The following TNFRSF13B variants were observed in gnomAD, a reference collection of about 807,000 sequenced individuals.
TNFRSF13B encodes the protein TNF receptor superfamily member 13B.
TNFRSF13B carries 34 observed loss-of-function variants against 24.0 expected under a neutral mutation model. That is an observed-to-expected ratio of 1.41 (90% CI 1.08 to 1.88). The LOEUF (loss-of-function observed/expected upper bound fraction) is 1.88. TNFRSF13B is among the 40% of genes most tolerant of loss of function. TNFRSF13B has a pLI of 0.00. For missense variants in TNFRSF13B, 415 were observed against 380.8 expected (o/e 1.09, Z -0.75); for synonymous variants, 173 against 150.3 (o/e 1.15, Z -1.10).
At chr17:16,952,425 G>T in intron 2 of TNFRSF13B, 21 bp downstream of exon 2, 17 of 1,613,878 alleles carry the variant, frequency 1.1e-5, no homozygotes, top group Non-Finnish European at 1.2e-5. Flanking sequence ...CTGTCCCCTC[G>T]GCTCAGGCCC....
At chr17:16,955,933 C>T (rs2087621710) in intron 1 of TNFRSF13B, among the ~76,000 whole-genome samples, 1 of 152,212 alleles carries the variant, frequency 6.6e-6, no homozygotes, top group African/African-American at 2.4e-5. Flanking sequence ...GGACCCTTGT[C>T]CGCCAAATAT....
chr17:16,950,305 A>G (rs1395005741), intron 2 of TNFRSF13B, among the ~76,000 whole-genome samples: 1 of 152,184 alleles, frequency 6.6e-6, no homozygotes, highest in Non-Finnish European at 1.5e-5. Context: ...ACATAGGGAA[A>G]ATAACAGTAC....
chr17:16,961,410 T>G (rs1435903784), intron 1 of TNFRSF13B, among the ~76,000 whole-genome samples: 2 of 152,214 alleles, frequency 1.3e-5, no homozygotes, highest in Non-Finnish European at 2.9e-5. Context: ...ATGATGTTAT[T>G]AAAATGAATG....
At chr17:16,966,574 C>T (rs528191410) in intron 1 of TNFRSF13B, among the ~76,000 whole-genome samples, 1 of 152,182 alleles carries the variant, frequency 6.6e-6, no homozygotes, top group South Asian at 2.1e-4. Context: ...TTAGTAAAAC[C>T]TTCTATTGGC....
At chr17:16,962,192 G>A (rs1434604142) in intron 1 of TNFRSF13B, among the ~76,000 whole-genome samples, 1 of 152,172 alleles carries the variant, frequency 6.6e-6, no homozygotes, top group Non-Finnish European at 1.5e-5. Context: ...CAACTCCAGG[G>A]AAACAAAAGA....
At chr17:16,967,751 CA>C (rs975103327) in intron 1 of TNFRSF13B, among the ~76,000 whole-genome samples, 555 of 24,456 alleles carry the variant, frequency 0.023, no homozygotes, top group African/African-American at 0.057. Flanking sequence ...GACTCCGTCT[CA>C]AAAAAAAAAA....
intron 3 of TNFRSF13B, among the ~76,000 whole-genome samples, chr17:16,945,552 G>A (rs375393607): frequency 5.3e-4 from 80 of 152,328 alleles, no homozygotes; most frequent in African/African-American, 1.9e-3. Context: ...TGACCCACGG[G>A]GGAATCTGTT....
At chr17:16,968,951 T>G (rs1329281194) in intron 1 of TNFRSF13B, among the ~76,000 whole-genome samples, 2 of 152,212 alleles carry the variant, frequency 1.3e-5, no homozygotes, top group African/African-American at 2.4e-5. Flanking sequence ...GAAAAGATGC[T>G]TAACATCATT....
At chr17:16,963,095 G>A (rs891062876) in intron 1 of TNFRSF13B, among the ~76,000 whole-genome samples, 2 of 152,204 alleles carry the variant, frequency 1.3e-5, no homozygotes, top group African/African-American at 2.4e-5. Context: ...CCTTGGGCAC[G>A]ACTTCTGCTC....
intron 1 of TNFRSF13B, among the ~76,000 whole-genome samples, chr17:16,955,411 C>T (rs1003602240): frequency 3.9e-5 from 6 of 152,068 alleles, no homozygotes; most frequent in Non-Finnish European, 7.4e-5. Context: ...AAAGGACGTT[C>T]GTAGAACAAA....
intron 3 of TNFRSF13B, among the ~76,000 whole-genome samples, chr17:16,944,116 G>T (rs3892371): frequency 0.035 from 5,340 of 152,258 alleles, 242 homozygotes; most frequent in East Asian, 0.21. Context: ...CAGATCTGGG[G>T]TGGGGTCCCT....
At chr17:16,965,227 T>G (rs2087691368) in intron 1 of TNFRSF13B, among the ~76,000 whole-genome samples, 1 of 152,058 alleles carries the variant, frequency 6.6e-6, no homozygotes, top group Non-Finnish European at 1.5e-5. Flanking sequence ...TCCCCTCAGC[T>G]TCCCAATTAG....
intron 3 of TNFRSF13B, chr17:16,940,867 A>ACT: frequency 5.1e-6 from 6 of 1,172,918 alleles, no homozygotes; most frequent in Non-Finnish European, 6.4e-6. Context: ...TGCATCCTGA[A>ACT]CTGGGCCCTT....
intron 4 of TNFRSF13B, 52 bp downstream of exon 4, chr17:16,940,274 G>A: frequency 1.2e-6 from 2 of 1,611,760 alleles, no homozygotes; most frequent in Non-Finnish European, 1.7e-6. Flanking sequence ...ATGGCCCGAG[G>A]CTTGTCACCC....
intron 3 of TNFRSF13B, among the ~76,000 whole-genome samples, chr17:16,942,014 G>A (rs558969792): frequency 1.3e-5 from 2 of 152,106 alleles, no homozygotes; most frequent in African/African-American, 4.8e-5. Context: ...TGGGCATTTG[G>A]GTTGCTTCCA....
chr17:16,957,094 C>T (rs968116809), intron 1 of TNFRSF13B, among the ~76,000 whole-genome samples: 2 of 150,656 alleles, frequency 1.3e-5, no homozygotes, highest in African/African-American at 2.4e-5. Context: ...GGAGGCTGTG[C>T]GGGGGGATGT....
chr17:16,956,955 T>A (rs1445927575), intron 1 of TNFRSF13B, among the ~76,000 whole-genome samples: 1 of 152,184 alleles, frequency 6.6e-6, no homozygotes, highest in Non-Finnish European at 1.5e-5. Flanking sequence ...CATACATTTG[T>A]TCAAAGCCAT....
At chr17:16,970,566 T>G (rs1331906694) in intron 1 of TNFRSF13B, among the ~76,000 whole-genome samples, 2 of 152,254 alleles carry the variant, frequency 1.3e-5, no homozygotes, top group Non-Finnish European at 2.9e-5. Context: ...TCTGGTAGTT[T>G]CATCAAAGCA....
At position 16,940,396 on chromosome 17, in the gene TNFRSF13B, C is replaced by G. The variant is rs373469090; in HGVS notation, c.561G>C (p.Lys187Asn). The change falls in exon 4 of 5, where the codon AAG becomes AAC. Residue 187 changes from lysine (K) to asparagine (N), a missense_variant. Transcript: ENST00000261652. ...GGCAGGAGCAGGGATCCCCCCTCTT[C>G]TTGAGGAAGCAGGCCACCGCCACCA... ...CFLVAVACFLKKRGDPCSCQP... is the reference protein window; with the variant it reads ...CFLVAVACFLNKRGDPCSCQP... 3 of 1,613,992 alleles carry G rather than the reference C, an allele frequency of 1.9e-6. No homozygotes were observed. Among genetic ancestry groups the G allele is most frequent in the Admixed American group, 3.3e-5 (2 of 60,020 alleles).
Sources: gnomAD v4.1 joint callset for allele counts (sites outside exome capture counted in the v4.1 genomes callset) on GRCh38, gnomAD v4.1.1 for gene constraint, MANE v1.5 for transcripts, NCBI Gene and HGNC (gene_info 2026-07-23, HGNC 2026-07-21) for gene names.